NLGN1: variants seen among roughly 807,000 people sequenced by gnomAD.
The protein encoded by NLGN1 is neuroligin-1.
In NLGN1, 12 loss-of-function variants were observed where a neutral mutation model predicts 65.5. The observed-to-expected ratio is 0.18, with a 90% CI of 0.12 to 0.30. The LOEUF is 0.30. Ranked by LOEUF, NLGN1 falls within the 10% of genes least tolerant of loss-of-function variation. The pLI is 1.00. For missense variants in NLGN1, 750 were observed against 1,007.1 expected, an observed-to-expected ratio of 0.74 and a Z score of 3.46; for synonymous variants, 350 against 359.5, an observed-to-expected ratio of 0.97 and a Z score of 0.30.
chr3:173,941,534 G>C (rs574731806), intron 4 of NLGN1, among the ~76,000 whole-genome samples: 1 of 151,962 alleles, frequency 6.6e-6, no homozygotes, highest in Non-Finnish European at 1.5e-5. Context: ...GACTGGATTT[G>C]ACTTTCACTT....
chr3:173,796,506 A>AC (rs1714102876), intron 3 of NLGN1, among the ~76,000 whole-genome samples: 1 of 152,070 alleles, frequency 6.6e-6, no homozygotes, highest in South Asian at 2.1e-4. Flanking sequence ...TTGTTTCACC[A>AC]CTGAATTTAT....
chr3:174,221,906 C>T (rs962471021), intron 4 of NLGN1, among the ~76,000 whole-genome samples: 5 of 151,998 alleles, frequency 3.3e-5, no homozygotes, highest in Non-Finnish European at 5.9e-5. Flanking sequence ...GAATGTTGCT[C>T]ATGTTTTTTG....
chr3:173,576,593 A>T (rs1378184131), intron 2 of NLGN1, among the ~76,000 whole-genome samples: 1 of 152,074 alleles, frequency 6.6e-6, no homozygotes, highest in Non-Finnish European at 1.5e-5. Flanking sequence ...TGTTTCTGTT[A>T]TCACATCTCT....
intron 4 of NLGN1, among the ~76,000 whole-genome samples, chr3:174,228,526 A>G (rs548014057): frequency 1.3e-4 from 20 of 152,290 alleles, no homozygotes; most frequent in African/African-American, 4.8e-4. Flanking sequence ...ACAAGTGTAG[A>G]GGGTCATAAA....
chr3:174,036,928 G>T (rs1731263255), intron 4 of NLGN1, among the ~76,000 whole-genome samples: 1 of 152,266 alleles, frequency 6.6e-6, no homozygotes, highest in Non-Finnish European at 1.5e-5. Context: ...CAAAGGACAT[G>T]ATGACATCCT....
intron 4 of NLGN1, among the ~76,000 whole-genome samples, chr3:173,999,388 A>G (rs887078082): frequency 6.6e-6 from 1 of 152,106 alleles, no homozygotes; most frequent in Non-Finnish European, 1.5e-5. Context: ...ACTGAATTTC[A>G]TTTGAAGTAC....
intron 4 of NLGN1, among the ~76,000 whole-genome samples, chr3:173,869,014 C>G (rs1730702354): frequency 6.6e-6 from 1 of 152,158 alleles, no homozygotes; most frequent in Admixed American, 6.6e-5. Flanking sequence ...AAGGTACTGT[C>G]TCTTCTCTAC....
chr3:173,862,584 A>G (rs1021748736), intron 4 of NLGN1, among the ~76,000 whole-genome samples: 1 of 151,588 alleles, frequency 6.6e-6, no homozygotes, highest in African/African-American at 2.4e-5. Flanking sequence ...CCAAATATGT[A>G]AAAATAGAGG....
intron 2 of NLGN1, among the ~76,000 whole-genome samples, chr3:173,559,070 A>G (rs1278912470): frequency 6.6e-6 from 1 of 152,106 alleles, no homozygotes; most frequent in Non-Finnish European, 1.5e-5. Flanking sequence ...TATTGCCTCT[A>G]CCTTTTTGAT....
intron 4 of NLGN1, among the ~76,000 whole-genome samples, chr3:173,926,723 A>G (rs1743072777): frequency 6.6e-6 from 1 of 152,210 alleles, no homozygotes; most frequent in Non-Finnish European, 1.5e-5. Context: ...GAAGGCAGGA[A>G]ATGCATCCAT....
intron 2 of NLGN1, among the ~76,000 whole-genome samples, chr3:173,553,115 T>G (rs2149270168): frequency 6.6e-6 from 1 of 152,278 alleles, no homozygotes; most frequent in African/African-American, 2.4e-5. Context: ...TTGGAGCTCC[T>G]TATGCCTCCA....
intron 4 of NLGN1, among the ~76,000 whole-genome samples, chr3:174,226,283 AC>A (rs1227416284): frequency 6.6e-6 from 1 of 151,714 alleles, no homozygotes; most frequent in Non-Finnish European, 1.5e-5. Flanking sequence ...ACCATTAGCT[AC>A]TCCCCCTACC....
chr3:173,939,470 A>G (rs1745613238), intron 4 of NLGN1, among the ~76,000 whole-genome samples: 1 of 152,202 alleles, frequency 6.6e-6, no homozygotes, highest in Admixed American at 6.5e-5. Context: ...ACAAAACCAC[A>G]AGGAGGATTA....
chr3:174,088,248 G>A (rs9836021), intron 4 of NLGN1, among the ~76,000 whole-genome samples: 7,497 of 152,156 alleles, frequency 0.049, 254 homozygotes, highest in South Asian at 0.093. Flanking sequence ...GATACTTTAC[G>A]AGAGAAGGCA....
intron 3 of NLGN1, among the ~76,000 whole-genome samples, chr3:173,788,206 C>CAAAAAAAA (rs537790655): frequency 1.3e-3 from 78 of 60,756 alleles, no homozygotes; most frequent in African/African-American, 2.3e-3. Context: ...TGACATTTTG[C>CAAAAAAAA]AAAAAAAAAA....
Position 174,053,016 on chromosome 3 carries a change from C to T in NLGN1, c.647-222299C>T, listed in dbSNP as rs144007071. On this transcript the variant is annotated intron_variant, in intron 4 of 6. Coordinates refer to ENST00000457714, the Ensembl canonical transcript of NLGN1. ...CCATTATGGAATGATGTTATTTGCA[C>T]TCCATTCTTATCCTCGTACTATCCC... Among the ~76,000 whole-genome samples, 804 of 152,134 alleles carry T rather than the reference C, an allele frequency of 5.3e-3. 5 individuals are homozygous for T. Among genetic ancestry groups the T allele is most frequent in the Middle Eastern group, 0.048 (14 of 294 alleles).
chr3:174,279,081 T>C lies in NLGN1; in HGVS notation c.1080T>C (p.Ile360=), dbSNP rs1751122243. 6.2e-7 allele frequency: 1 copy of C among 1,613,146 alleles called. No homozygotes were observed. The highest frequency in any genetic ancestry group is 1.3e-5 in the African/African-American group (1 of 74,844). Reference sequence around the variant, plus strand: ...ACCACATAGCCTTTGGACCTGTGATTGATGGTGATGTAATACCAGACGACC... The same window carrying C: ...ACCACATAGCCTTTGGACCTGTGATCGATGGTGATGTAATACCAGACGACC... Residue 360 remains isoleucine, a synonymous_variant, in exon 6 of 7, where the codon ATT becomes ATC. Transcript: ENST00000457714. The surrounding 1 kb of genome is among the most constrained non-coding windows in gnomAD (Gnocchi z 4.7).
intron 4 of NLGN1, among the ~76,000 whole-genome samples, chr3:174,274,725 A>C (rs1441625058): frequency 6.6e-6 from 1 of 151,900 alleles, no homozygotes; most frequent in African/African-American, 2.4e-5. Flanking sequence ...CATCTCTGAC[A>C]CAGTAATTCT....
intron 4 of NLGN1, among the ~76,000 whole-genome samples, chr3:173,974,601 T>C (rs975477583): frequency 6.6e-6 from 1 of 152,030 alleles, no homozygotes; most frequent in African/African-American, 2.4e-5. Flanking sequence ...TAGAAACATA[T>C]GAATAAAATA....
Sources: allele counts gnomAD v4.1 joint callset (sites outside exome capture counted in the v4.1 genomes callset), GRCh38; gene constraint gnomAD v4.1.1; non-coding constraint Gnocchi (gnomAD v3.1); transcripts MANE v1.5; gene names NCBI Gene and HGNC (gene_info 2026-07-23, HGNC 2026-07-21).